PCDHGA4: variants seen among roughly 807,000 people sequenced by gnomAD.
PCDHGA4 encodes protocadherin gamma subfamily A, 4.
In PCDHGA4, 38 loss-of-function variants were observed where a neutral mutation model predicts 54.6. That is an observed-to-expected ratio of 0.70 (90% CI 0.54 to 0.91). PCDHGA4 has a LOEUF of 0.91. Ranked by LOEUF, PCDHGA4 falls within the 40% of genes least tolerant of loss-of-function variation. The pLI is 0.00. For missense variants in PCDHGA4, 1,298 were observed against 1,220.9 expected (o/e 1.06, Z -0.94); for synonymous variants, 511 against 512.9 (o/e 1.00, Z 0.05).
At position 141,409,239 on chromosome 5, in the gene PCDHGA4, A is replaced by C. The variant is rs1330242516; in HGVS notation, c.2514+51618A>C. The C allele has an allele frequency of 5.0e-6, 8 of 1,613,920 alleles. No individual in the cohort carries two copies. In the Admixed American group the frequency reaches 1.3e-4, roughly 27 times the overall value. On this transcript the variant is annotated intron_variant, in intron 1 of 3. Transcript: ENST00000571252. ...CTTGATGAAAACGACAACAGCCCAG[A>C]AATAATCATCACTTCTCTCTCTGAT... is the stretch of plus-strand genomic sequence containing the variant.
intron 1 of PCDHGA4, among the ~76,000 whole-genome samples, chr5:141,429,629 C>G (rs2097230011): frequency 1.3e-5 from 2 of 152,160 alleles, no homozygotes; most frequent in Admixed American, 1.3e-4. Flanking sequence ...TATTTTCTCA[C>G]AGCTACCTAT....
chr5:141,421,389 G>T (rs200646513), intron 1 of PCDHGA4: 1 of 1,613,934 alleles, frequency 6.2e-7, no homozygotes, highest in African/African-American at 1.3e-5. Context: ...AGGACCTGGG[G>T]CTGGAGCCCC....
intron 2 of PCDHGA4, among the ~76,000 whole-genome samples, chr5:141,504,802 C>G (rs370355030): frequency 6.6e-6 from 1 of 152,030 alleles, no homozygotes; most frequent in East Asian, 1.9e-4. Context: ...ACATCTCCCC[C>G]TAGGTACCTC....
In PCDHGA4 at chr5:141,477,074, A is replaced by G; in HGVS notation, c.2515-17733A>G. Reference sequence around the variant, plus strand: ...CTTCGAGGACACCAAACTCCATGAGATTTACATCCAGGCCAAAGACAAGGG... The same window carrying G: ...CTTCGAGGACACCAAACTCCATGAGGTTTACATCCAGGCCAAAGACAAGGG... On this transcript the variant is annotated intron_variant, in intron 1 of 3. Coordinates refer to ENST00000571252, the MANE Select transcript of PCDHGA4 (RefSeq NM_018917.4). This position sits in a 1 kb window ranked among gnomAD's most constrained non-coding sequence, Gnocchi z 4.9. 1 of 1,614,250 alleles carries G rather than the reference A, an allele frequency of 6.2e-7. No homozygotes were observed.
At chr5:141,375,922 G>A (rs1772046633) in intron 1 of PCDHGA4, 5 of 1,613,646 alleles carry the variant, frequency 3.1e-6, no homozygotes, top group Admixed American at 1.7e-5. Context: ...AGGCCAGCGA[G>A]CCAGGACTTT....
chr5:141,364,948 T>C, intron 1 of PCDHGA4: 1 of 1,613,922 alleles, frequency 6.2e-7, no homozygotes, highest in Admixed American at 1.7e-5. Flanking sequence ...AGAAAGAGAC[T>C]GTTCACGACC....
chr5:141,461,347 G>C (rs2154567331), intron 1 of PCDHGA4, among the ~76,000 whole-genome samples: 1 of 152,242 alleles, frequency 6.6e-6, no homozygotes, highest in Admixed American at 6.5e-5. Flanking sequence ...GGACCAAGGT[G>C]GTAGCTCGTT....
chr5:141,494,688 A>T (rs2099756168), intron 1 of PCDHGA4, 119 bp from the exon 2 acceptor site: 1 of 1,576,254 alleles, frequency 6.3e-7, no homozygotes, highest in Non-Finnish European at 8.6e-7. Context: ...GCCCCCTCTT[A>T]GTCCGTTTTC....
At chr5:141,374,726 A>G (rs1471530567) in intron 1 of PCDHGA4, 2 of 1,610,526 alleles carry the variant, frequency 1.2e-6, no homozygotes, top group Non-Finnish European at 8.5e-7. Flanking sequence ...CCTTACTGCC[A>G]TGGATGGCGG....
At chr5:141,357,770 T>C in intron 1 of PCDHGA4, 149 bp downstream of exon 1, 1 of 952,176 alleles carries the variant, frequency 1.1e-6, no homozygotes, top group Non-Finnish European at 1.5e-6. Context: ...GACCTTCCAA[T>C]AATGATCAAC....
Position 141,355,258 on chromosome 5 carries a change from C to T in PCDHGA4, c.151C>T (p.Leu51=), listed in dbSNP as rs1330047112. 10 of 1,613,526 alleles carry T rather than the reference C, an allele frequency of 6.2e-6. No individual in the cohort carries two copies. The highest frequency in any genetic ancestry group is 8.5e-6 in the Non-Finnish European group (10 of 1,179,892). ...CCGGCTGCTCCAGATCTGCCTTCTC[C>T]TGGGGGTTCTGGTGGAAATCAGGGC... The part of the protein sequence containing the change: ...HTRLLQICLL[L]GVLVEIRAEQ... The change falls in exon 1 of 4, where the codon CTG becomes TTG. Residue 51 remains leucine, a synonymous_variant. Coordinates refer to ENST00000571252, the MANE Select transcript of PCDHGA4 (RefSeq NM_018917.4).
At chr5:141,472,980 C>CAAAAAAAAAAAAAAAAAAAAAA (rs60579131) in intron 1 of PCDHGA4, among the ~76,000 whole-genome samples, 6 of 86,102 alleles carry the variant, frequency 7.0e-5, no homozygotes, top group African/African-American at 1.2e-4. Flanking sequence ...GAGTGAAACT[C>CAAAAAAAAAAAAAAAAAAAAAA]AAAAAAAAAA....
intron 1 of PCDHGA4, chr5:141,392,880 C>G (rs779595460): frequency 3.1e-6 from 5 of 1,613,564 alleles, no homozygotes; most frequent in Non-Finnish European, 2.5e-6. Flanking sequence ...GCTGGGAACG[C>G]TGTGGGAAAT....
At chr5:141,364,805 G>A (rs1763547717) in intron 1 of PCDHGA4, 1 of 1,614,018 alleles carries the variant, frequency 6.2e-7, no homozygotes, top group Non-Finnish European at 8.5e-7. Flanking sequence ...CTTCGCGCGG[G>A]ATGCGGATGT....
intron 1 of PCDHGA4, among the ~76,000 whole-genome samples, chr5:141,483,361 A>C (rs752805137): frequency 4.6e-5 from 7 of 152,102 alleles, no homozygotes; most frequent in Non-Finnish European, 7.4e-5. Flanking sequence ...TTTGAAAGCT[A>C]TTGCAATATT....
In PCDHGA4 at chr5:141,360,693, A is replaced by G. The variant is rs951041324; in HGVS notation, c.2514+3072A>G. 4 of 1,613,908 alleles carry G rather than the reference A, an allele frequency of 2.5e-6. No individual in the cohort carries two copies. In the African/African-American group the frequency reaches 5.3e-5, roughly 22 times the overall value. ...TTGATCTCGCTGAGAAACAGACTCC[A>G]GATGGTCGTAAATATCCTGAGTTGA... On this transcript the variant is annotated intron_variant, in intron 1 of 3. Transcript: ENST00000571252.
At chr5:141,409,640 G>A (rs1045286800) in intron 1 of PCDHGA4, 2 of 1,613,780 alleles carry the variant, frequency 1.2e-6, no homozygotes, top group African/African-American at 1.3e-5. Context: ...CTCTGACCCG[G>A]ATTTGGGGCT....
chr5:141,393,614 C>T (rs971778718), intron 1 of PCDHGA4: 2 of 1,613,778 alleles, frequency 1.2e-6, no homozygotes, highest in Non-Finnish European at 1.7e-6. Flanking sequence ...TAACAGCCAG[C>T]GACCCGGATG....
chr5:141,458,464 G>A (rs1035826436), intron 1 of PCDHGA4, among the ~76,000 whole-genome samples: 30 of 152,030 alleles, frequency 2.0e-4, no homozygotes, highest in Admixed American at 9.8e-4. Flanking sequence ...TTAAAATACC[G>A]TACAACTGCA....
Sources: allele counts gnomAD v4.1 joint callset (sites outside exome capture counted in the v4.1 genomes callset), GRCh38; gene constraint gnomAD v4.1.1; non-coding constraint Gnocchi (gnomAD v3.1); transcripts MANE v1.5; gene names NCBI Gene and HGNC (gene_info 2026-07-23, HGNC 2026-07-21).